Variants in REV3L observed in about 807,000 individuals in gnomAD.
REV3L encodes REV3 like, DNA directed polymerase zeta catalytic subunit, also known as DNA polymerase zeta catalytic subunit.
A neutral mutation model predicts 299.4 loss-of-function variants in REV3L; 69 were observed. That is an observed-to-expected ratio of 0.23 (90% CI 0.19 to 0.28). The LOEUF (loss-of-function observed/expected upper bound fraction) is 0.28, where lower values mean the gene tolerates loss of function less well. REV3L is among the 10% of genes least tolerant of loss of function. REV3L has a pLI of 1.00. For missense variants in REV3L, 3,128 were observed against 3,693.8 expected (o/e 0.85, Z 3.97); for synonymous variants, 1,238 against 1,271.4 (o/e 0.97, Z 0.56).
intron 1 of REV3L, among the ~76,000 whole-genome samples, chr6:111,464,400 A>T (rs1283585890): frequency 6.6e-6 from 1 of 152,224 alleles, no homozygotes; most frequent in Admixed American, 6.5e-5. Flanking sequence ...GTTCATAGAT[A>T]GGTATGTATG....
intron 19 of REV3L, among the ~76,000 whole-genome samples, chr6:111,350,936 C>T (rs1415117656): frequency 6.6e-6 from 1 of 152,070 alleles, no homozygotes; most frequent in Non-Finnish European, 1.5e-5. Flanking sequence ...GTCCTGGAAT[C>T]TTCCAGCTTC....
intron 26 of REV3L, among the ~76,000 whole-genome samples, chr6:111,318,239 C>T: frequency 6.6e-6 from 1 of 151,738 alleles, no homozygotes; most frequent in Admixed American, 6.6e-5. Flanking sequence ...AGGGGCCTAC[C>T]ACCACGCCCG....
intron 1 of REV3L, among the ~76,000 whole-genome samples, chr6:111,479,900 A>G (rs976436273): frequency 6.6e-6 from 1 of 152,244 alleles, no homozygotes; most frequent in Non-Finnish European, 1.5e-5. Context: ...TATTTCTTAA[A>G]TTACTCAAGA....
Position 111,300,159 on chromosome 6 carries a change from G to A in REV3L, c.9253-3C>T. On this transcript the variant is annotated splice_polypyrimidine_tract_variant and splice_region_variant and intron_variant, in intron 31 of 31. Transcript: ENST00000368802. ...CAACCTGTACAGTTCTTGCATATCTGAAAGCATAAGAGAAATACAAAAAAT... is the reference window on the plus strand; with the variant it reads ...CAACCTGTACAGTTCTTGCATATCTAAAAGCATAAGAGAAATACAAAAAAT... 4 of 1,567,114 alleles carry A rather than the reference G, an allele frequency of 2.6e-6. No homozygotes were observed. Among genetic ancestry groups the A allele is most frequent in the Non-Finnish European group, 3.4e-6 (4 of 1,161,852 alleles).
chr6:111,467,413 T>C (rs1010179468), intron 1 of REV3L, among the ~76,000 whole-genome samples: 3 of 152,204 alleles, frequency 2.0e-5, no homozygotes, highest in Admixed American at 1.3e-4. Flanking sequence ...TTCTTCTGTG[T>C]GGTCCACTGC....
At chr6:111,393,017 C>T in intron 4 of REV3L, 45 bp from the exon 5 acceptor site, 2 of 1,327,134 alleles carry the variant, frequency 1.5e-6, no homozygotes, top group Non-Finnish European at 2.1e-6. Flanking sequence ...TTTCAATTTT[C>T]ATATAATTAC....
intron 1 of REV3L, among the ~76,000 whole-genome samples, chr6:111,443,097 T>C (rs1788463209): frequency 6.6e-6 from 1 of 152,234 alleles, no homozygotes; most frequent in Non-Finnish European, 1.5e-5. Context: ...ATTCTGGGTC[T>C]GTTTTTATTC....
chr6:111,351,836 A>G (rs760427402), intron 18 of REV3L, 45 bp from the exon 19 acceptor site: 17 of 1,243,652 alleles, frequency 1.4e-5, no homozygotes, highest in Non-Finnish European at 2.0e-5. Flanking sequence ...CATACATTTG[A>G]ACCTTTAACC....
intron 4 of REV3L, among the ~76,000 whole-genome samples, chr6:111,395,921 A>T (rs1782451606): frequency 6.6e-6 from 1 of 152,176 alleles, no homozygotes; most frequent in South Asian, 2.1e-4. Flanking sequence ...TTATCAAATA[A>T]CTTTTCTGTG....
chr6:111,420,456 A>G (rs1785208412), intron 1 of REV3L, among the ~76,000 whole-genome samples: 1 of 152,286 alleles, frequency 6.6e-6, no homozygotes. Flanking sequence ...TGATGTCCAG[A>G]ACTTATTCAT....
chr6:111,307,770 A>C, intron 30 of REV3L, 200 bp from the exon 31 acceptor site: 1 of 568,300 alleles, frequency 1.8e-6, no homozygotes, highest in South Asian at 2.4e-5. Context: ...CCTTCATGGA[A>C]CTTACATCTT....
chr6:111,377,169 T>C (rs1780398429), intron 12 of REV3L, among the ~76,000 whole-genome samples: 1 of 152,214 alleles, frequency 6.6e-6, no homozygotes, highest in African/African-American at 2.4e-5. Context: ...ACAAATGTTA[T>C]ATCCTTTTAG....
At position 111,351,676 on chromosome 6, in the gene REV3L, C is replaced by T. The variant is rs369610655; in HGVS notation, c.7300G>A (p.Asp2434Asn). 8.8e-5 allele frequency: 142 copies of T among 1,609,212 alleles called. 1 individual carries two copies. The highest frequency in any genetic ancestry group is 1.2e-4 in the Non-Finnish European group (139 of 1,176,836). The change falls in exon 19 of 32, where the codon GAT (aspartate) becomes AAT (asparagine). Residue 2434 changes from aspartate to asparagine, a missense_variant and splice_region_variant. Asp to Asn is a conservative substitution (Grantham distance 23). This residue lies in a region of REV3L where 50 missense variants were observed against 48.2 expected (regional missense o/e 1.04). Transcript: ENST00000368802. ...ACAAAACATTCACAATGACACATAC[C>T]TGGCACCCGAGAGATCATCCGACAT... ...DLCRMISRVP[D>N]DKIENRFAAE...
chr6:111,307,993 T>G, intron 30 of REV3L: 1 of 300,160 alleles, frequency 3.3e-6, no homozygotes. Flanking sequence ...TGTCCAAGTG[T>G]TCTTGTTGTT....
intron 1 of REV3L, among the ~76,000 whole-genome samples, chr6:111,443,607 T>C (rs535415867): frequency 9.8e-5 from 15 of 152,316 alleles, no homozygotes; most frequent in South Asian, 2.1e-4. Flanking sequence ...GCCCTACTCA[T>C]AAGATGTGAC....
At chr6:111,327,715 T>G (rs1774987541) in intron 25 of REV3L, among the ~76,000 whole-genome samples, 1 of 152,092 alleles carries the variant, frequency 6.6e-6, no homozygotes, top group Non-Finnish European at 1.5e-5. Flanking sequence ...TATACAAATA[T>G]AAACCTAGAT....
rs528373033 is a variant in REV3L, at chr6:111,459,153, A to G, written c.139+23597T>C. On this transcript the variant is annotated intron_variant, in intron 1 of 31. Coordinates refer to ENST00000368802, the MANE Select transcript of REV3L (RefSeq NM_001372078.1). ...ACACACCTACAACCATCTGATGTTCAACAAAGTTGACAAAAATAAGCAATG... is the reference window on the plus strand; with the variant it reads ...ACACACCTACAACCATCTGATGTTCGACAAAGTTGACAAAAATAAGCAATG... 5.9e-5 allele frequency among the ~76,000 whole-genome samples: 9 copies of G among 152,168 alleles called. No individual in the cohort carries two copies. The East Asian group carries it at 1.7e-3, about 29-fold the overall frequency.
intron 31 of REV3L, among the ~76,000 whole-genome samples, chr6:111,302,684 C>T (rs1257497164): frequency 6.6e-6 from 1 of 152,170 alleles, no homozygotes; most frequent in Non-Finnish European, 1.5e-5. Flanking sequence ...GCAGGTGGAT[C>T]ACCTGAGGTC....
At chr6:111,345,010 G>C (rs1471127727) in intron 20 of REV3L, among the ~76,000 whole-genome samples, 3 of 152,140 alleles carry the variant, frequency 2.0e-5, no homozygotes, top group Admixed American at 2.0e-4. Flanking sequence ...GTATGTACTT[G>C]TGTAGGTATA....
Sources: allele counts gnomAD v4.1 joint callset (sites outside exome capture counted in the v4.1 genomes callset), GRCh38; gene constraint gnomAD v4.1.1; regional missense constraint gnomAD v4.1.1; transcripts MANE v1.5; gene names NCBI Gene and HGNC (gene_info 2026-07-23, HGNC 2026-07-21).